The following UBN1 variants were observed in gnomAD, a reference collection of about 807,000 sequenced individuals.
UBN1 encodes ubinuclein-1.
UBN1 carries 17 observed loss-of-function variants against 108.5 expected under a neutral mutation model. That is an observed-to-expected ratio of 0.16 (90% CI 0.11 to 0.24). The LOEUF (loss-of-function observed/expected upper bound fraction) is 0.24. Among genes scored for constraint, UBN1 ranks in the 10% least tolerant of loss-of-function variants. The pLI is 1.00. For missense variants in UBN1, 1,595 were observed against 1,394.4 expected (o/e 1.14, Z -2.29); for synonymous variants, 726 against 564.2 (o/e 1.29, Z -4.07).
Position 4,871,212 on chromosome 16 carries a change from C to G in UBN1, c.1617C>G (p.Asn539Lys). The G allele has an allele frequency of 1.2e-6, 2 of 1,614,254 alleles. No homozygotes were observed. Among genetic ancestry groups the G allele is most frequent in the Non-Finnish European group, 1.7e-6 (2 of 1,180,046 alleles). ...TGGAGAGCCAGGACCTGGAGAGGAACAACAAAGCCCAGGCTTGGGAGGACT... is the reference window on the plus strand; with the variant it reads ...TGGAGAGCCAGGACCTGGAGAGGAAGAACAAAGCCCAGGCTTGGGAGGACT... The part of the protein sequence containing the change: ...IKLESQDLER[N>K]NKAQAWEDCV... The change falls in exon 12 of 18, where the codon AAC becomes AAG. Residue 539 changes from asparagine to lysine, a missense_variant. Transcript: ENST00000262376.
Position 4,874,588 on chromosome 16 carries a change from A to G in UBN1, c.2178A>G (p.Pro726=). The change falls in exon 15 of 18, where the codon CCA becomes CCG. Residue 726 remains proline (P), a synonymous_variant. Coordinates refer to ENST00000262376, the MANE Select transcript of UBN1 (RefSeq NM_001079514.3). The part of the protein sequence containing the change: ...RNFAKPSPSA[P]PPASSLQSPL... ...TTGCGAAGCCTAGTCCTTCTGCTCC[A>G]CCACCAGCTAGCTCTCTGCAGTCAC... The G allele has an allele frequency of 5.0e-6, 8 of 1,614,174 alleles. 1 individual carries two copies. The highest frequency in any genetic ancestry group is 4.4e-5 in the South Asian group (4 of 91,080).
At chr16:4,855,173 T>C (rs922438666) in intron 2 of UBN1, among the ~76,000 whole-genome samples, 1 of 152,202 alleles carries the variant, frequency 6.6e-6, no homozygotes, top group Non-Finnish European at 1.5e-5. Context: ...CACAGTTGTC[T>C]GAGTGTGGAA....
intron 4 of UBN1, 37 bp downstream of exon 4, chr16:4,858,700 G>T: frequency 6.3e-7 from 1 of 1,597,936 alleles, no homozygotes; most frequent in Non-Finnish European, 8.6e-7. Flanking sequence ...CAGACCCACT[G>T]TACCTGTAGC....
chr16:4,853,581 C>T (rs1310902722), intron 2 of UBN1, among the ~76,000 whole-genome samples: 9 of 149,938 alleles, frequency 6.0e-5, no homozygotes, highest in East Asian at 3.9e-4. Flanking sequence ...TTTTCGAGAC[C>T]GAGTCTCGCC....
At position 4,880,121 on chromosome 16, in the gene UBN1, C is replaced by T; in HGVS notation, c.3394C>T (p.Arg1132Trp). The T allele has an allele frequency of 1.9e-6, 3 of 1,613,980 alleles. No individual in the cohort carries two copies. Among genetic ancestry groups the T allele is most frequent in the East Asian group, 2.2e-5 (1 of 44,888 alleles). Reference protein sequence around the residue: ...QLHGKGPAVPRKL With the variant: ...QLHGKGPAVPWKL ...TCACGGGAAAGGGCCTGCTGTACCA[C>T]GGAAATTGTGACCGCTTCAGAGGCA... The change falls in exon 18 of 18, where the codon CGG (arginine) becomes TGG (tryptophan). Residue 1132 changes from arginine to tryptophan, a missense_variant. This residue lies in a region of UBN1 where 1,398 missense variants were observed against 1,194.7 expected (regional missense o/e 1.17). Coordinates refer to ENST00000262376, the MANE Select transcript of UBN1 (RefSeq NM_001079514.3).
Position 4,870,270 on chromosome 16 carries a change from C to G in UBN1, c.1240C>G (p.Leu414Val). The change falls in exon 9 of 18, where the codon CTT becomes GTT. Residue 414 changes from leucine to valine, a missense_variant. This residue lies in a region of UBN1 where 1,398 missense variants were observed against 1,194.7 expected (regional missense o/e 1.17). Coordinates refer to ENST00000262376, the MANE Select transcript of UBN1 (RefSeq NM_001079514.3). ...GGTCCGCTCTGGGGTGTATGCCTAT[C>G]TTGCGTCATTCCTGCCCTGCAGCAA... ...SQVRSGVYAY[L>V]ASFLPCSKDA... 6.2e-7 allele frequency: 1 copy of G among 1,614,240 alleles called. No individual in the cohort carries two copies. Among genetic ancestry groups the G allele is most frequent in the Non-Finnish European group, 8.5e-7 (1 of 1,180,044 alleles).
Position 4,874,934 on chromosome 16 carries a change from C to T in UBN1, c.2524C>T (p.Leu842=), listed in dbSNP as rs1228428178. The change falls in exon 15 of 18, where the codon CTG becomes TTG. Residue 842 remains leucine, a synonymous_variant. Transcript: ENST00000262376. ...ASPTQCHRSL[L]QLVKTAAKGQ... Reference sequence around the variant, plus strand: ...TCCCACACAGTGTCATCGTTCCCTCCTGCAGTTAGTGAAGACAGCGGCCAA... The same window carrying T: ...TCCCACACAGTGTCATCGTTCCCTCTTGCAGTTAGTGAAGACAGCGGCCAA... 5 of 1,614,210 alleles carry T rather than the reference C, an allele frequency of 3.1e-6. No homozygotes were observed. The highest frequency in any genetic ancestry group is 2.7e-5 in the African/African-American group (2 of 75,072).
intron 5 of UBN1, among the ~76,000 whole-genome samples, chr16:4,859,477 C>T (rs1369478230): frequency 6.6e-6 from 1 of 152,216 alleles, no homozygotes; most frequent in Non-Finnish European, 1.5e-5. Context: ...CTTGCTGACC[C>T]TCTTCTGTGG....
In UBN1 at chr16:4,871,576, C is replaced by CTTTTTT. The variant is rs35865064; in HGVS notation, c.1706+298_1706+303dup. ...GCCTCCCATCTCAATATGCACTTTC[C>CTTTTTT]TTTTTTTTTTTTTTTTTTTTTTTTT... On this transcript the variant is annotated intron_variant, in intron 12 of 17. Transcript: ENST00000262376. 1.6e-4 allele frequency among the ~76,000 whole-genome samples: 14 copies of CTTTTTT among 88,426 alleles called. 1 individual carries two copies. The highest frequency in any genetic ancestry group is 2.7e-4 in the Non-Finnish European group (13 of 47,580). The allele number at this position is 88,426 out of a possible 152,430, so 58.0% of individuals were successfully genotyped here.
chr16:4,869,290 T>C (rs1339873669), intron 8 of UBN1, among the ~76,000 whole-genome samples: 1 of 152,210 alleles, frequency 6.6e-6, no homozygotes, highest in African/African-American at 2.4e-5. Context: ...TGCTCTGCCT[T>C]GGGTGTTGCT....
rs1035660641 is a variant in UBN1, at chr16:4,859,311, A to C, written c.567+152A>C. On this transcript the variant is annotated intron_variant, in intron 5 of 17. Coordinates refer to ENST00000262376, the MANE Select transcript of UBN1 (RefSeq NM_001079514.3). ...GCCAGGTTGATGGCTCGCCTCTTAC[A>C]CGTGTGCCCTAATGAGGACACGTGC... is the stretch of plus-strand genomic sequence containing the variant. 1.4e-5 allele frequency: 15 copies of C among 1,106,280 alleles called. No homozygotes were observed. The East Asian group carries it at 3.2e-4, about 23-fold the overall frequency. The allele number at this position is 1,106,280 out of a possible 1,614,324, so 68.5% of individuals were successfully genotyped here. A position where few individuals can be genotyped will look rare whatever the true frequency, so the allele number is the denominator to read the frequency against.
Position 4,868,898 on chromosome 16 carries a change from A to G in UBN1, c.1176A>G (p.Leu392=), listed in dbSNP as rs148473616. 2.4e-5 allele frequency: 38 copies of G among 1,613,742 alleles called. No homozygotes were observed. The highest frequency in any genetic ancestry group is 3.3e-4 in the Middle Eastern group (2 of 6,080). Residue 392 remains leucine (L), a synonymous_variant, in exon 8 of 18, where the codon CTA becomes CTG. Coordinates refer to ENST00000262376, the MANE Select transcript of UBN1 (RefSeq NM_001079514.3). ...KFFTQDINGI[L]LDIEAQTREL... ...TCACCCAGGATATTAATGGAATCCTATTAGAGTGAGTATCGTCTGTCTGTC... is the reference window on the plus strand; with the variant it reads ...TCACCCAGGATATTAATGGAATCCTGTTAGAGTGAGTATCGTCTGTCTGTC...
At chr16:4,865,099 TC>T (rs2087261018) in intron 7 of UBN1, among the ~76,000 whole-genome samples, 1 of 152,200 alleles carries the variant, frequency 6.6e-6, no homozygotes. Context: ...ATTGATTAAT[TC>T]ACACAACTTC....
At position 4,870,899 on chromosome 16, in the gene UBN1, G is replaced by A. The variant is rs2087599223; in HGVS notation, c.1486G>A (p.Glu496Lys). The A allele has an allele frequency of 1.9e-6, 3 of 1,614,128 alleles. No homozygotes were observed. The highest frequency in any genetic ancestry group is 2.5e-6 in the Non-Finnish European group (3 of 1,180,024). The part of the protein sequence containing the change: ...EQRDRICSDE[E>K]EDEEKGGRRI... ...GAGGGACCGGATTTGTTCGGATGAG[G>A]AAGAAGATGAAGAAAAAGGGGGCAG... The change falls in exon 11 of 18, where the codon GAA becomes AAA. Residue 496 changes from glutamate (E) to lysine (K), a missense_variant. Physicochemically the swap from Glu to Lys is moderately conservative, Grantham distance 56 (BLOSUM62 1). Around this residue, in one of 3 missense-constraint regions of UBN1, gnomAD observed 1,398 missense variants for 1,194.7 expected, o/e 1.17. Coordinates refer to ENST00000262376, the MANE Select transcript of UBN1 (RefSeq NM_001079514.3).
In UBN1 at chr16:4,848,908, C is replaced by G. The variant is rs775918416; in HGVS notation, c.-40+698C>G. Reference sequence around the variant, plus strand: ...CTGAGATCAGGAGTTCGAGACCAGCCTGGCCAACACGGTCAAACCCAGTAC... The same window carrying G: ...CTGAGATCAGGAGTTCGAGACCAGCGTGGCCAACACGGTCAAACCCAGTAC... On this transcript the variant is annotated intron_variant, in intron 1 of 17. Transcript: ENST00000262376. Among the ~76,000 whole-genome samples the G allele has an allele frequency of 3.9e-5, 6 of 152,134 alleles. No individual in the cohort carries two copies. The East Asian group carries it at 5.8e-4, about 15-fold the overall frequency.
intron 3 of UBN1, 37 bp downstream of exon 3, chr16:4,858,113 TG>T (rs760284044): frequency 7.1e-7 from 1 of 1,400,812 alleles, no homozygotes; most frequent in Non-Finnish European, 1.0e-6. Context: ...ACAACCTCAT[TG>T]GGTGGGAGAC....
chr16:4,858,561 A>T lies in UBN1; in HGVS notation c.337-7A>T. The T allele has an allele frequency of 1.2e-6, 2 of 1,613,730 alleles. No homozygotes were observed. The highest frequency in any genetic ancestry group is 1.1e-5 in the South Asian group (1 of 91,068). ...AAAGCATGTAATCTATTGCTTTCACATTTTAGGGTGGAAAGAAACGTAGAA... is the reference window on the plus strand; with the variant it reads ...AAAGCATGTAATCTATTGCTTTCACTTTTTAGGGTGGAAAGAAACGTAGAA... On this transcript the variant is annotated splice_region_variant and splice_polypyrimidine_tract_variant and intron_variant, in intron 3 of 17. Coordinates refer to ENST00000262376, the MANE Select transcript of UBN1 (RefSeq NM_001079514.3).
chr16:4,871,800 A>G lies in UBN1; in HGVS notation c.1706+499A>G, dbSNP rs558655605. Among the ~76,000 whole-genome samples, 31 of 151,910 alleles carry G rather than the reference A, an allele frequency of 2.0e-4. No homozygotes were observed. The South Asian group carries it at 4.6e-3, about 22-fold the overall frequency. On this transcript the variant is annotated intron_variant, in intron 12 of 17. Transcript: ENST00000262376. ...ATGGGGTTTCACCGTGTTAGCCAGG[A>G]TGGTCTCAATCTCCTGACCTTGTGA...
Position 4,874,468 on chromosome 16 carries a change from A to T in UBN1, c.2058A>T (p.Arg686Ser). Residue 686 changes from arginine to serine, a missense_variant, in exon 15 of 18, where the codon AGA becomes AGT. Around this residue, in one of 3 missense-constraint regions of UBN1, gnomAD observed 1,398 missense variants for 1,194.7 expected, o/e 1.17. Coordinates refer to ENST00000262376, the MANE Select transcript of UBN1 (RefSeq NM_001079514.3). ...AGGAATTGGCTGCATTGAATAGCAG[A>T]GCAGCTGGGAACTCTGAATTCACAC... ...VSKELAALNS[R>S]AAGNSEFTLP... 6.2e-7 allele frequency: 1 copy of T among 1,614,210 alleles called. No individual in the cohort carries two copies. The highest frequency in any genetic ancestry group is 8.5e-7 in the Non-Finnish European group (1 of 1,180,030).
Sources: gnomAD v4.1 joint callset for allele counts (sites outside exome capture counted in the v4.1 genomes callset) on GRCh38, gnomAD v4.1.1 for gene constraint, gnomAD v4.1.1 regional missense constraint, MANE v1.5 for transcripts, NCBI Gene and HGNC (gene_info 2026-07-23, HGNC 2026-07-21) for gene names.